Variants in APBA1 observed in about 807,000 individuals in gnomAD.
APBA1 encodes the protein amyloid-beta A4 precursor protein-binding family A member 1.
APBA1 carries 55 observed loss-of-function variants against 86.6 expected under a neutral mutation model. That is an observed-to-expected ratio of 0.64 (90% CI 0.51 to 0.80). The LOEUF (loss-of-function observed/expected upper bound fraction) is 0.80, where lower values mean the gene tolerates loss of function less well. Among genes scored for constraint, APBA1 ranks in the 30% least tolerant of loss-of-function variants. APBA1 has a pLI of 0.00. For missense variants in APBA1, 1,090 were observed against 1,183.0 expected, an observed-to-expected ratio of 0.92 and a Z score of 1.15; for synonymous variants, 511 against 493.9, an observed-to-expected ratio of 1.03 and a Z score of -0.46.
At position 69,607,436 on chromosome 9, in the gene APBA1, G is replaced by A. The variant is rs578170053; in HGVS notation, c.-70+64717C>T. Reference sequence around the variant, plus strand: ...CTCCCATGACACATGGGAATTATGCGAACTACAATTCAATACGAGATTTGG... The same window carrying A: ...CTCCCATGACACATGGGAATTATGCAAACTACAATTCAATACGAGATTTGG... On this transcript the variant is annotated intron_variant, in intron 1 of 12. Coordinates refer to ENST00000265381, the MANE Select transcript of APBA1 (RefSeq NM_001163.4). Among the ~76,000 whole-genome samples, 15 of 152,096 alleles carry A rather than the reference G, an allele frequency of 9.9e-5. No individual in the cohort carries two copies. In the South Asian group the frequency reaches 1.7e-3, roughly 17 times the overall value.
At chr9:69,556,311 C>A (rs1836859023) in intron 1 of APBA1, among the ~76,000 whole-genome samples, 1 of 152,116 alleles carries the variant, frequency 6.6e-6, no homozygotes, top group South Asian at 2.1e-4. Context: ...CAAGCCACAG[C>A]ATTTACATCT....
intron 1 of APBA1, among the ~76,000 whole-genome samples, chr9:69,517,888 A>C (rs1836193636): frequency 6.6e-6 from 1 of 152,174 alleles, no homozygotes; most frequent in Non-Finnish European, 1.5e-5. Flanking sequence ...GCTATTATAT[A>C]GGGTAAAAAA....
intron 1 of APBA1, among the ~76,000 whole-genome samples, chr9:69,599,829 A>G (rs1364895576): frequency 6.6e-6 from 1 of 152,294 alleles, no homozygotes; most frequent in South Asian, 2.1e-4. Flanking sequence ...ATGGCTGCCA[A>G]ATGTTAAGAA....
rs1185984050 is a variant in APBA1 at position 69,427,718 on chromosome 9, G to A, written c.*3609C>T. 1 of 152,126 alleles carries A rather than the reference G, an allele frequency of 6.6e-6. No homozygotes were observed. The highest frequency in any genetic ancestry group is 2.4e-5 in the African/African-American group (1 of 41,410). 9.4% of individuals were successfully genotyped at this position (152,126 alleles called of 1,614,324 possible). On this transcript the variant is annotated 3_prime_UTR_variant, in exon 13 of 13. Coordinates refer to ENST00000265381, the MANE Select transcript of APBA1 (RefSeq NM_001163.4). ...AGACTGTCAAGGAAGTACATTCAGT[G>A]GGTGTGCGGTGTCCACATTCCAGGC...
chr9:69,654,737 C>G (rs573585012), intron 1 of APBA1, among the ~76,000 whole-genome samples: 1 of 152,178 alleles, frequency 6.6e-6, no homozygotes, highest in South Asian at 2.1e-4. Context: ...TAAAACCACA[C>G]AAGGATACAA....
At chr9:69,645,345 GT>G (rs1173798682) in intron 1 of APBA1, among the ~76,000 whole-genome samples, 1 of 152,176 alleles carries the variant, frequency 6.6e-6, no homozygotes, top group Non-Finnish European at 1.5e-5. Flanking sequence ...ACAGGAAGCT[GT>G]TTAGTTATTT....
chr9:69,598,651 G>A (rs1221631709), intron 1 of APBA1, among the ~76,000 whole-genome samples: 2 of 151,986 alleles, frequency 1.3e-5, no homozygotes, highest in Non-Finnish European at 2.9e-5. Flanking sequence ...AAATAGACAA[G>A]GTTGGGGGCT....
intron 4 of APBA1, among the ~76,000 whole-genome samples, chr9:69,470,947 C>T (rs1012364597): frequency 2.6e-5 from 4 of 152,158 alleles, no homozygotes; most frequent in African/African-American, 9.7e-5. Context: ...GAGTAACCTG[C>T]ACAACCATGT....
At chr9:69,471,727 G>C in intron 3 of APBA1, 32 bp from the exon 4 acceptor site, 1 of 1,585,602 alleles carries the variant, frequency 6.3e-7, no homozygotes, top group African/African-American at 1.3e-5. Flanking sequence ...TTCAAAAAGA[G>C]CAAAGCATAA....
chr9:69,506,111 C>T (rs140083746), intron 2 of APBA1, among the ~76,000 whole-genome samples: 28 of 151,836 alleles, frequency 1.8e-4, no homozygotes, highest in Admixed American at 1.6e-3. Context: ...CCAGCGAGAG[C>T]GACACAGAAG....
At chr9:69,440,534 G>A (rs1834799892) in intron 11 of APBA1, among the ~76,000 whole-genome samples, 1 of 152,118 alleles carries the variant, frequency 6.6e-6, no homozygotes, top group Non-Finnish European at 1.5e-5. Context: ...ATCTCAGACT[G>A]CTGTGCTAGC....
intron 1 of APBA1, among the ~76,000 whole-genome samples, chr9:69,647,739 AG>A (rs1823419890): frequency 6.6e-6 from 1 of 152,276 alleles, no homozygotes; most frequent in Non-Finnish European, 1.5e-5. Flanking sequence ...TAAAGACATG[AG>A]CACACAAAGA....
intron 1 of APBA1, among the ~76,000 whole-genome samples, chr9:69,552,933 T>C (rs1836809830): frequency 6.8e-6 from 1 of 147,370 alleles, no homozygotes; most frequent in Admixed American, 6.9e-5. Context: ...TGATAGGGTC[T>C]TACTCTGTTG....
intron 2 of APBA1, among the ~76,000 whole-genome samples, chr9:69,486,826 C>T (rs1163936144): frequency 6.6e-6 from 1 of 151,926 alleles, no homozygotes; most frequent in African/African-American, 2.4e-5. Context: ...CAGCTCAGCT[C>T]CTACTCTCTG....
intron 1 of APBA1, among the ~76,000 whole-genome samples, chr9:69,545,277 G>A (rs555385965): frequency 6.6e-6 from 1 of 152,214 alleles, no homozygotes; most frequent in African/African-American, 2.4e-5. Flanking sequence ...GTGGGAGACT[G>A]GGACAAAAAG....
intron 1 of APBA1, among the ~76,000 whole-genome samples, chr9:69,547,543 C>T (rs940853764): frequency 6.6e-6 from 1 of 152,162 alleles, no homozygotes; most frequent in African/African-American, 2.4e-5. Context: ...CACCTTGCTA[C>T]CCCAAATAAA....
intron 2 of APBA1, among the ~76,000 whole-genome samples, chr9:69,497,048 A>G (rs1835810016): frequency 6.6e-6 from 1 of 152,088 alleles, no homozygotes; most frequent in Admixed American, 6.5e-5. Context: ...AGTTATAGAA[A>G]GCATCTACCC....
intron 1 of APBA1, among the ~76,000 whole-genome samples, chr9:69,561,890 G>T (rs752379372): frequency 1.3e-5 from 2 of 152,134 alleles, no homozygotes; most frequent in Non-Finnish European, 2.9e-5. Context: ...GTTTCCCAAA[G>T]TACTGGGATT....
At chr9:69,657,772 T>C (rs1823640536) in intron 1 of APBA1, among the ~76,000 whole-genome samples, 1 of 152,206 alleles carries the variant, frequency 6.6e-6, no homozygotes, top group Non-Finnish European at 1.5e-5. Flanking sequence ...TAGCTTTTAT[T>C]TTGGGTGACT....
Sources: gnomAD v4.1 joint callset for allele counts (sites outside exome capture counted in the v4.1 genomes callset) on GRCh38, gnomAD v4.1.1 for gene constraint, MANE v1.5 for transcripts, NCBI Gene and HGNC (gene_info 2026-07-23, HGNC 2026-07-21) for gene names.